CLECL1: variants seen among roughly 807,000 people sequenced by gnomAD.
CLECL1 encodes the protein C-type lectin like 1, also known as C-type lectin-like domain family 1.
intron 3 of CLECL1, among the ~76,000 whole-genome samples, chr12:9,726,055 G>T (rs1022437176): frequency 2.0e-5 from 3 of 151,934 alleles, no homozygotes; most frequent in African/African-American, 7.2e-5. Context: ...ATCTCTGGAA[G>T]AAACAATCTT....
chr12:9,708,847 G>T, the CLECL1 span: 1 of 224,764 alleles, frequency 4.4e-6, no homozygotes, highest in South Asian at 7.6e-5. Flanking sequence ...GAGAATGATG[G>T]ACACCTCTGT....
downstream of CLECL1, among the ~76,000 whole-genome samples, chr12:9,721,650 A>G (rs1437617478): frequency 2.0e-5 from 3 of 152,148 alleles, no homozygotes; most frequent in Non-Finnish European, 2.9e-5. Context: ...TCATTGCGCA[A>G]TGGCTCCAAG....
chr12:9,704,261 A>G, the CLECL1 span: 2 of 152,182 alleles, frequency 1.3e-5, no homozygotes, highest in African/African-American at 2.4e-5. Context: ...TATTTTCTGT[A>G]TATAATTATG....
chr12:9,734,102 T>C (rs1036775959), upstream of CLECL1, among the ~76,000 whole-genome samples: 17 of 152,368 alleles, frequency 1.1e-4, no homozygotes, highest in African/African-American at 3.8e-4. Context: ...TAACTGGAAA[T>C]CTGCATATGG....
At chr12:9,712,501 CTTT>C (rs1249624729), downstream of CLECL1, among the ~76,000 whole-genome samples, 1 of 152,196 alleles carries the variant, frequency 6.6e-6, no homozygotes, top group African/African-American at 2.4e-5. Context: ...CAAATGAAAT[CTTT>C]TTATTTCTTT....
intron 3 of CLECL1, among the ~76,000 whole-genome samples, chr12:9,727,560 A>G (rs1036528177): frequency 5.9e-5 from 9 of 151,820 alleles, no homozygotes; most frequent in African/African-American, 2.2e-4. Context: ...ACAAACTAAT[A>G]TTACCTACTG....
intron 3 of CLECL1, among the ~76,000 whole-genome samples, chr12:9,726,217 T>C (rs11052717): frequency 0.3 from 44,922 of 150,514 alleles, 7,387 homozygotes; most frequent in South Asian, 0.48. Context: ...CTATGTATTA[T>C]AAAAAATAAT....
rs772538050 is a variant in CLECL1 at position 9,722,820 on chromosome 12, G to A, written n.263-7C>T. The A allele has an allele frequency of 6.3e-7, 1 of 1,593,404 alleles. No individual in the cohort carries two copies. Among genetic ancestry groups the A allele is most frequent in the Non-Finnish European group, 8.6e-7 (1 of 1,165,854 alleles). On this transcript the variant is annotated splice_region_variant and splice_polypyrimidine_tract_variant and intron_variant and non_coding_transcript_variant, in intron 3 of 3. Coordinates refer to ENST00000621400, the Ensembl canonical transcript of CLECL1. ...GTAGAAAAGTTGAAAGAAACTGGAAGAAAGGAAGATAAGCAATTAAAATCA... is the reference window on the plus strand; with the variant it reads ...GTAGAAAAGTTGAAAGAAACTGGAAAAAAGGAAGATAAGCAATTAAAATCA...
chr12:9,717,725 T>G (rs769622661), downstream of CLECL1, among the ~76,000 whole-genome samples: 313 of 152,328 alleles, frequency 2.1e-3, no homozygotes, highest in Non-Finnish European at 3.3e-3. Flanking sequence ...TTGAGCCTTC[T>G]TTTCAGTTTC....
chr12:9,711,930 A>G (rs1008678272), downstream of CLECL1, among the ~76,000 whole-genome samples: 2 of 152,224 alleles, frequency 1.3e-5, no homozygotes, highest in South Asian at 2.1e-4. Context: ...CTGAAAGCCT[A>G]GTCTTTACTT....
chr12:9,723,227 A>G (rs1277552582), intron 3 of CLECL1, among the ~76,000 whole-genome samples: 3 of 152,206 alleles, frequency 2.0e-5, no homozygotes, highest in Non-Finnish European at 4.4e-5. Context: ...GTTATTCACA[A>G]GCAAAATTTG....
At chr12:9,725,907 TAAG>T (rs1190829484) in intron 3 of CLECL1, among the ~76,000 whole-genome samples, 3 of 152,036 alleles carry the variant, frequency 2.0e-5, no homozygotes, top group African/African-American at 7.2e-5. Flanking sequence ...GCTGAGATTC[TAAG>T]AATAAGCTCT....
chr12:9,717,017 G>A (rs190093501), intron 2 of CLECL1, among the ~76,000 whole-genome samples: 84 of 152,314 alleles, frequency 5.5e-4, no homozygotes, highest in Admixed American at 1.6e-3. Context: ...CAGCATGAAC[G>A]ATGTCAAGTA....
At chr12:9,717,881 T>A (rs1294645481), downstream of CLECL1, among the ~76,000 whole-genome samples, 1 of 152,158 alleles carries the variant, frequency 6.6e-6, no homozygotes, top group Non-Finnish European at 1.5e-5. Context: ...TTTTTTTCTT[T>A]AAGTAGATGC....
At chr12:9,709,924 G>A in the CLECL1 span, among the ~76,000 whole-genome samples, 1 of 152,158 alleles carries the variant, frequency 6.6e-6, no homozygotes, top group Non-Finnish European at 1.5e-5. Context: ...GGGAGGCCCA[G>A]GAAGAGAGAG....
At chr12:9,718,654 C>T (rs777041380), downstream of CLECL1, 280 of 680,526 alleles carry the variant, frequency 4.1e-4, 4 homozygotes, top group South Asian at 3.1e-3. Flanking sequence ...GAGGCCATTG[C>T]GGTGGGCCCT....
chr12:9,713,886 T>G (rs1316472718), downstream of CLECL1, among the ~76,000 whole-genome samples: 2 of 152,206 alleles, frequency 1.3e-5, no homozygotes, highest in African/African-American at 4.8e-5. Context: ...TTGGATTGAG[T>G]CCGTGCCACA....
chr12:9,712,793 G>A (rs1269108109), downstream of CLECL1, among the ~76,000 whole-genome samples: 4 of 151,558 alleles, frequency 2.6e-5, no homozygotes, highest in African/African-American at 4.9e-5. Flanking sequence ...TTTTTTAATC[G>A]ATTGATAGAA....
chr12:9,702,233 A>C, the CLECL1 span, among the ~76,000 whole-genome samples: 2 of 152,170 alleles, frequency 1.3e-5, no homozygotes, highest in African/African-American at 4.8e-5. Context: ...AGTGGCTCTC[A>C]GCGGGATAGG....
Sources: allele counts gnomAD v4.1 joint callset (sites outside exome capture counted in the v4.1 genomes callset), GRCh38; gene constraint gnomAD v4.1.1; transcripts MANE v1.5; gene names NCBI Gene and HGNC (gene_info 2026-07-23, HGNC 2026-07-21).